Variants in EVL observed in about 807,000 individuals in gnomAD.
The protein encoded by EVL is ena/VASP-like protein.
EVL carries 21 observed loss-of-function variants against 59.6 expected under a neutral mutation model. The ratio of observed to expected loss-of-function variants is 0.35; its 90% CI spans 0.25 to 0.51. The LOEUF is 0.51. EVL is among the 20% of genes least tolerant of loss of function. The pLI is 0.97. For missense variants in EVL, 462 were observed against 546.6 expected (o/e 0.85, Z 1.54); for synonymous variants, 198 against 203.5 (o/e 0.97, Z 0.23).
intron 2 of EVL, among the ~76,000 whole-genome samples, chr14:100,093,818 T>G (rs112310359): frequency 3.9e-5 from 6 of 152,306 alleles, no homozygotes; most frequent in African/African-American, 1.4e-4. Flanking sequence ...TGGCTTTGCT[T>G]TCTGAGGTTT....
intron 2 of EVL, among the ~76,000 whole-genome samples, chr14:100,096,241 G>A (rs1451972663): frequency 6.6e-6 from 1 of 152,216 alleles, no homozygotes; most frequent in African/African-American, 2.4e-5. Context: ...TCAGCATAGA[G>A]AGCGTTATCC....
At chr14:100,023,317 G>A (rs1018450676) in intron 1 of EVL, among the ~76,000 whole-genome samples, 3 of 147,680 alleles carry the variant, frequency 2.0e-5, no homozygotes, top group Non-Finnish European at 4.4e-5. Flanking sequence ...CAATTCTCCT[G>A]CCCTAGCCTC....
At chr14:100,043,227 A>ATG (rs2061493398) in intron 1 of EVL, among the ~76,000 whole-genome samples, 2 of 151,876 alleles carry the variant, frequency 1.3e-5, no homozygotes, top group African/African-American at 4.8e-5. Context: ...AGATATATAT[A>ATG]TATGTATGTG....
Position 100,047,114 on chromosome 14 carries a change from C to CTTTTTTTTTTTTTTTTTTTTTTTTTT in EVL, c.6-37572_6-37571insTTTTTTTTTTTTTTTTTTTTTTTTTT, listed in dbSNP as rs1379774654. On this transcript the variant is annotated intron_variant, in intron 1 of 13. Coordinates refer to the EVL transcript ENST00000402714. The stretch of plus-strand genomic sequence containing the variant: ...ATTTTGAGACCTTGGGCAGATCTCT[C>CTTTTTTTTTTTTTTTTTTTTTTTTTT]TCTCTTTTTTTTTTTTTTTTTTTTT... 2.4e-4 allele frequency among the ~76,000 whole-genome samples: 23 copies of CTTTTTTTTTTTTTTTTTTTTTTTTTT among 95,110 alleles called. 7 individuals are homozygous for CTTTTTTTTTTTTTTTTTTTTTTTTTT. Among genetic ancestry groups the CTTTTTTTTTTTTTTTTTTTTTTTTTT allele is most frequent in the South Asian group, 9.3e-4 (2 of 2,144 alleles). 62.4% of individuals were successfully genotyped at this position (95,110 alleles called of 152,430 possible).
At position 100,050,365 on chromosome 14, in the gene EVL, T is replaced by A. The variant is rs77625316; in HGVS notation, c.6-34322T>A. Reference sequence around the variant, plus strand: ...CATTTATTTATTTATTTATTTATTTTTTTTTAGACAGTCTCACTCTGTCGC... The same window carrying A: ...CATTTATTTATTTATTTATTTATTTATTTTTAGACAGTCTCACTCTGTCGC... On this transcript the variant is annotated intron_variant, in intron 1 of 13. Coordinates refer to the EVL transcript ENST00000402714. 3.8e-3 allele frequency among the ~76,000 whole-genome samples: 536 copies of A among 142,610 alleles called. 2 individuals are homozygous for A. Among genetic ancestry groups the A allele is most frequent in the African/African-American group, 0.012 (486 of 40,286 alleles). The allele number at this position is 142,610 out of a possible 152,430, so 93.6% of individuals were successfully genotyped here. A position where few individuals can be genotyped will look rare whatever the true frequency, so the allele number is the denominator to read the frequency against.
At chr14:100,037,483 A>G (rs752046161) in intron 1 of EVL, among the ~76,000 whole-genome samples, 35 of 152,134 alleles carry the variant, frequency 2.3e-4, no homozygotes, top group Non-Finnish European at 4.6e-4. Flanking sequence ...TGTACTTCTC[A>G]TGCCCTTTTG....
chr14:99,979,580 A>G (rs2060793289), intron 1 of EVL, among the ~76,000 whole-genome samples: 1 of 151,838 alleles, frequency 6.6e-6, no homozygotes, highest in Admixed American at 6.6e-5. Flanking sequence ...TAAAAAAAGG[A>G]TGGTTGTGGC....
intron 1 of EVL, among the ~76,000 whole-genome samples, chr14:99,999,797 T>C (rs1215806824): frequency 6.6e-6 from 1 of 152,208 alleles, no homozygotes; most frequent in Non-Finnish European, 1.5e-5. Context: ...TCTCTTCCCC[T>C]GTGAGGCCAT....
intron 1 of EVL, among the ~76,000 whole-genome samples, chr14:100,002,301 T>C (rs1466544176): frequency 6.6e-6 from 1 of 152,134 alleles, no homozygotes; most frequent in Non-Finnish European, 1.5e-5. Context: ...TATAGCTGAT[T>C]TTAAAACCAC....
At chr14:100,010,919 C>T (rs2061013127) in intron 1 of EVL, among the ~76,000 whole-genome samples, 1 of 152,118 alleles carries the variant, frequency 6.6e-6, no homozygotes, top group South Asian at 2.1e-4. Flanking sequence ...AAAGTGAGGT[C>T]GTTGGAGAGA....
At chr14:100,098,743 G>T (rs1885992790) in intron 3 of EVL, among the ~76,000 whole-genome samples, 1 of 152,206 alleles carries the variant, frequency 6.6e-6, no homozygotes, top group East Asian at 1.9e-4. Context: ...ACCAGGCATG[G>T]AGTCACACTG....
At chr14:100,055,578 G>A (rs2061715690) in intron 1 of EVL, among the ~76,000 whole-genome samples, 3 of 152,174 alleles carry the variant, frequency 2.0e-5, no homozygotes, top group Admixed American at 2.0e-4. Context: ...AGACTGAAAA[G>A]TAAGGTTCAA....
At chr14:99,977,259 G>A (rs2060776343) in intron 1 of EVL, 1 of 152,064 alleles carries the variant, frequency 6.6e-6, no homozygotes, top group African/African-American at 2.4e-5. Flanking sequence ...TAGCAGTTTA[G>A]CTCAGGTCAT....
chr14:99,985,293 T>C (rs868246525), intron 1 of EVL, among the ~76,000 whole-genome samples: 16 of 152,106 alleles, frequency 1.1e-4, no homozygotes, highest in South Asian at 4.2e-4. Flanking sequence ...ACATAATTTT[T>C]ATTTATTATT....
At chr14:100,076,987 A>G (rs1412795485) in intron 1 of EVL, among the ~76,000 whole-genome samples, 1 of 152,236 alleles carries the variant, frequency 6.6e-6, no homozygotes, top group African/African-American at 2.4e-5. Context: ...GGAAAGAGGA[A>G]AGATATGGGT....
At chr14:100,037,834 C>A (rs1290400794) in intron 1 of EVL, among the ~76,000 whole-genome samples, 1 of 152,222 alleles carries the variant, frequency 6.6e-6, no homozygotes, top group African/African-American at 2.4e-5. Flanking sequence ...TATTTTCTTT[C>A]ATTCATTCAG....
chr14:100,034,915 T>C (rs1014482639), intron 1 of EVL, among the ~76,000 whole-genome samples: 5 of 152,202 alleles, frequency 3.3e-5, no homozygotes, highest in Non-Finnish European at 7.3e-5. Context: ...TGATTATATA[T>C]GCAAAAATGC....
chr14:100,025,782 C>A (rs2061199963), intron 1 of EVL, among the ~76,000 whole-genome samples: 1 of 151,928 alleles, frequency 6.6e-6, no homozygotes, highest in Admixed American at 6.6e-5. Flanking sequence ...TACAAAAATA[C>A]AAAATTAGCC....
Position 100,080,723 on chromosome 14 carries a change from G to A in EVL, c.12-3964G>A, listed in dbSNP as rs372116445. On this transcript the variant is annotated intron_variant, in intron 1 of 13. Coordinates refer to ENST00000392920, the MANE Select transcript of EVL (RefSeq NM_016337.3). ...AAATTCTAGTTATACCTACAGCTCA[G>A]AGATGCCTGTTAGATCCCAGGGGGG... Among the ~76,000 whole-genome samples the A allele has an allele frequency of 4.6e-5, 7 of 152,340 alleles. No homozygotes were observed. In the East Asian group the frequency reaches 1.2e-3, roughly 25 times the overall value.
Sources: allele counts gnomAD v4.1 joint callset (sites outside exome capture counted in the v4.1 genomes callset), GRCh38; gene constraint gnomAD v4.1.1; transcripts MANE v1.5; gene names NCBI Gene and HGNC (gene_info 2026-07-23, HGNC 2026-07-21).